The following ARHGAP35 variants were observed in gnomAD, a reference collection of about 807,000 sequenced individuals.
ARHGAP35 encodes Rho GTPase activating protein 35, also known as rho GTPase-activating protein 35.
A neutral mutation model predicts 111.1 loss-of-function variants in ARHGAP35; 15 were observed. That is an observed-to-expected ratio of 0.13 (90% CI 0.09 to 0.21). ARHGAP35 has a LOEUF of 0.21. ARHGAP35 is among the 10% of genes least tolerant of loss of function. The probability of loss-of-function intolerance (pLI) is 1.00; values close to 1 mark genes in which losing one functional copy is unlikely to be tolerated. For missense variants in ARHGAP35, 1,262 were observed against 1,873.0 expected, an observed-to-expected ratio of 0.67 and a Z score of 6.02; for synonymous variants, 643 against 710.3, an observed-to-expected ratio of 0.91 and a Z score of 1.51.
chr19:46,892,350 C>T (rs550262312), intron 1 of ARHGAP35, among the ~76,000 whole-genome samples: 1 of 149,746 alleles, frequency 6.7e-6, no homozygotes, highest in South Asian at 2.1e-4. Flanking sequence ...TGGCACACAC[C>T]TGTAGTCCTA....
At chr19:46,998,551 C>T (rs533344068) in intron 5 of ARHGAP35, among the ~76,000 whole-genome samples, 1 of 152,230 alleles carries the variant, frequency 6.6e-6, no homozygotes, top group Non-Finnish European at 1.5e-5. Flanking sequence ...CACAGCCAGT[C>T]CCAGCTCTGC....
rs780290702 is a variant in ARHGAP35, at chr19:46,922,461, C to G, written c.3681+105C>G. On this transcript the variant is annotated intron_variant, in intron 2 of 6. Transcript: ENST00000672722. This position sits in a 1 kb window ranked among gnomAD's most constrained non-coding sequence, Gnocchi z 4.0. ...ACAACCTATTCTGGTAAAAAAAAAA[C>G]TGCCCTGTGTGTGTATTTGACTTAA... 2 of 1,083,668 alleles carry G rather than the reference C, an allele frequency of 1.8e-6. No homozygotes were observed. The highest frequency in any genetic ancestry group is 3.2e-5 in the African/African-American group (2 of 62,498). 67.1% of individuals were successfully genotyped at this position (1,083,668 alleles called of 1,614,324 possible).
At chr19:46,987,362 C>T (rs149162652) in intron 3 of ARHGAP35, among the ~76,000 whole-genome samples, 1,819 of 150,080 alleles carry the variant, frequency 0.012, 8 homozygotes, top group Admixed American at 0.026. Flanking sequence ...ATTACAGGCG[C>T]GCACCACCAC....
In ARHGAP35 at chr19:46,919,675, G is replaced by A; in HGVS notation, c.1000G>A (p.Glu334Lys). The A allele has an allele frequency of 1.9e-6, 3 of 1,613,928 alleles. No homozygotes were observed. The highest frequency in any genetic ancestry group is 1.1e-5 in the South Asian group (1 of 91,080). The change falls in exon 2 of 7, where the codon GAG becomes AAG. Residue 334 changes from glutamate to lysine, a missense_variant. Transcript: ENST00000672722. This position sits in a 1 kb window ranked among gnomAD's most constrained non-coding sequence, Gnocchi z 6.2. ...CCACCGCCTCAAGCATGAGCATATC[G>A]AGCGTAGGAGAAAGCTGTACCTGGC... ...HIHRLKHEHI[E>K]RRRKLYLAAL...
chr19:46,896,964 G>T (rs1268313204), intron 1 of ARHGAP35, among the ~76,000 whole-genome samples: 1 of 151,922 alleles, frequency 6.6e-6, no homozygotes, highest in African/African-American at 2.4e-5. Context: ...CGCGATCTTA[G>T]CTCACTGCAA....
intron 3 of ARHGAP35, among the ~76,000 whole-genome samples, chr19:46,953,192 C>CG (rs1223301850): frequency 6.6e-6 from 1 of 152,022 alleles, no homozygotes; most frequent in African/African-American, 2.4e-5. Flanking sequence ...CATTATAACC[C>CG]GGGGGGAGAC....
intron 1 of ARHGAP35, among the ~76,000 whole-genome samples, chr19:46,883,982 GA>G (rs1168028229): frequency 6.6e-6 from 1 of 152,154 alleles, no homozygotes; most frequent in Admixed American, 6.6e-5. Context: ...TTGAATCTGG[GA>G]GGCGCAGGTT....
At chr19:46,863,174 C>T (rs1383942436) in intron 1 of ARHGAP35, among the ~76,000 whole-genome samples, 1 of 152,134 alleles carries the variant, frequency 6.6e-6, no homozygotes, top group South Asian at 2.1e-4. Context: ...TTGAGCACTT[C>T]CCCTTTCAGG....
intron 3 of ARHGAP35, among the ~76,000 whole-genome samples, chr19:46,965,629 T>A (rs1388634194): frequency 2.0e-5 from 3 of 152,142 alleles, no homozygotes; most frequent in African/African-American, 7.2e-5. Flanking sequence ...GAACTTCAGG[T>A]GCACACCACC....
intron 1 of ARHGAP35, among the ~76,000 whole-genome samples, chr19:46,883,750 G>T (rs576846501): frequency 1.3e-4 from 20 of 152,204 alleles, no homozygotes; most frequent in East Asian, 9.7e-4. Context: ...CGCAGTAAAA[G>T]GAATGGCAAT....
rs139451311 is a variant in ARHGAP35 at position 46,942,530 on chromosome 19, G to A, written c.3826+5122G>A. Among the ~76,000 whole-genome samples the A allele has an allele frequency of 7.8e-3, 1,186 of 152,172 alleles. 3 individuals are homozygous for A. Among genetic ancestry groups the A allele is most frequent in the Middle Eastern group, 0.024 (7 of 294 alleles). The stretch of plus-strand genomic sequence containing the variant: ...TACATGCCTGTAATCCCAGCTATTC[G>A]GGAGGCTGAGGTGGGAGAATTACTT... On this transcript the variant is annotated intron_variant, in intron 3 of 6. Transcript: ENST00000672722.
rs1280087224 is a variant in ARHGAP35, at chr19:46,861,199, G to C, written c.-199G>C. On this transcript the variant is annotated 5_prime_UTR_variant, in exon 1 of 7. Transcript: ENST00000672722. ...TTTGGAGGCCGGGGCCGCGCTGAGG[G>C]CGCCCAGCTGGTGAGTGCGCGAGCT... Among the ~76,000 whole-genome samples the C allele has an allele frequency of 6.6e-6, 1 of 151,590 alleles. No homozygotes were observed. The highest frequency in any genetic ancestry group is 1.5e-5 in the Non-Finnish European group (1 of 67,822).
At chr19:46,894,059 G>A (rs540328185) in intron 1 of ARHGAP35, among the ~76,000 whole-genome samples, 1 of 151,984 alleles carries the variant, frequency 6.6e-6, no homozygotes, top group East Asian at 1.9e-4. Context: ...TCCATTTTGT[G>A]ATTAGGCTGA....
rs571008070 is a variant in ARHGAP35 at position 46,926,333 on chromosome 19, A to G, written c.3681+3977A>G. Among the ~76,000 whole-genome samples the G allele has an allele frequency of 6.6e-6, 1 of 152,330 alleles. No homozygotes were observed. The highest frequency in any genetic ancestry group is 1.5e-5 in the Non-Finnish European group (1 of 68,028). ...GTGGGAGCCTTCCGCACTCAGCTGA[A>G]TGAAATTGAAAATCTACGATTGCAC... On this transcript the variant is annotated intron_variant, in intron 2 of 6. Coordinates refer to ENST00000672722, the MANE Select transcript of ARHGAP35 (RefSeq NM_004491.5). This position sits in a 1 kb window ranked among gnomAD's most constrained non-coding sequence, Gnocchi z 4.1.
chr19:46,869,943 C>CT lies in ARHGAP35; in HGVS notation c.-189+8755dup, dbSNP rs746775975. Among the ~76,000 whole-genome samples the CT allele has an allele frequency of 9.6e-3, 1,065 of 111,092 alleles. 11 individuals are homozygous for CT. Among genetic ancestry groups the CT allele is most frequent in the Non-Finnish European group, 0.011 (621 of 54,810 alleles). 72.9% of individuals were successfully genotyped at this position (111,092 alleles called of 152,430 possible). ...TTTAATGTCCTGAAATCACTGTGTA[C>CT]TTTTTTTTTTTTTTTTTTTTTGAAA... On this transcript the variant is annotated intron_variant, in intron 1 of 6. Coordinates refer to ENST00000672722, the MANE Select transcript of ARHGAP35 (RefSeq NM_004491.5).
chr19:46,979,346 G>A (rs1364055772), intron 3 of ARHGAP35, among the ~76,000 whole-genome samples: 4 of 152,140 alleles, frequency 2.6e-5, no homozygotes, highest in African/African-American at 9.7e-5. Flanking sequence ...GGCTTTGAAT[G>A]TTCACTCCCG....
chr19:46,878,115 C>G (rs1410241702), intron 1 of ARHGAP35, among the ~76,000 whole-genome samples: 1 of 152,026 alleles, frequency 6.6e-6, no homozygotes, highest in Admixed American at 6.6e-5. Context: ...CTTCCACCTC[C>G]CAGATTTAAG....
chr19:46,874,875 A>G (rs1356916300), intron 1 of ARHGAP35, among the ~76,000 whole-genome samples: 1 of 135,850 alleles, frequency 7.4e-6, no homozygotes, highest in Middle Eastern at 4.2e-3. Flanking sequence ...GCAATGGCTC[A>G]GTCTCAGCTC....
chr19:46,932,563 C>G (rs1003207891), intron 2 of ARHGAP35, among the ~76,000 whole-genome samples: 5 of 152,138 alleles, frequency 3.3e-5, no homozygotes, highest in Non-Finnish European at 7.3e-5. Context: ...GCCCAGTAAC[C>G]CTTCAGATGC....
Sources: gnomAD v4.1 joint callset for allele counts (sites outside exome capture counted in the v4.1 genomes callset) on GRCh38, gnomAD v4.1.1 for gene constraint, Gnocchi (gnomAD v3.1) non-coding constraint, MANE v1.5 for transcripts, NCBI Gene and HGNC (gene_info 2026-07-23, HGNC 2026-07-21) for gene names.